NPAS3: variants seen among roughly 807,000 people sequenced by gnomAD.
NPAS3 encodes neuronal PAS domain protein 3.
Under a neutral mutation model 73.1 loss-of-function variants are expected in NPAS3, and 14 were observed. The observed-to-expected ratio is 0.19, with a 90% CI of 0.13 to 0.30. The LOEUF (loss-of-function observed/expected upper bound fraction) is 0.30. Ranked by LOEUF, NPAS3 falls within the 10% of genes least tolerant of loss-of-function variation. NPAS3 has a pLI of 1.00. For missense variants in NPAS3, 1,096 were observed against 1,250.0 expected, an observed-to-expected ratio of 0.88 and a Z score of 1.86; for synonymous variants, 620 against 541.5, an observed-to-expected ratio of 1.14 and a Z score of -2.01.
intron 2 of NPAS3, among the ~76,000 whole-genome samples, chr14:33,099,003 G>A (rs1479183890): frequency 6.6e-6 from 1 of 152,176 alleles, no homozygotes; most frequent in East Asian, 1.9e-4. Flanking sequence ...TGTATCCGTG[G>A]AGCCGAGTCT....
At chr14:33,213,005 G>A (rs2047093510) in intron 2 of NPAS3, among the ~76,000 whole-genome samples, 1 of 152,096 alleles carries the variant, frequency 6.6e-6, no homozygotes, top group South Asian at 2.1e-4. Flanking sequence ...TACCAAAATT[G>A]GGAAATGGCA....
intron 1 of NPAS3, among the ~76,000 whole-genome samples, chr14:33,050,425 G>T (rs905426896): frequency 6.6e-5 from 10 of 152,130 alleles, no homozygotes; most frequent in African/African-American, 2.4e-4. Context: ...GGAGGATCTA[G>T]TTCCTTCAAT....
chr14:33,285,998 G>A (rs1343062201), intron 3 of NPAS3, among the ~76,000 whole-genome samples: 1 of 152,106 alleles, frequency 6.6e-6, no homozygotes, highest in Non-Finnish European at 1.5e-5. Flanking sequence ...CCCTTACACT[G>A]TTTTATGGGA....
chr14:33,538,111 C>T (rs2054338193), intron 4 of NPAS3, among the ~76,000 whole-genome samples: 1 of 152,122 alleles, frequency 6.6e-6, no homozygotes, highest in African/African-American at 2.4e-5. Flanking sequence ...TTTTGGCCAA[C>T]CAAAAAGAAA....
chr14:33,316,343 T>C (rs952248544), intron 3 of NPAS3, among the ~76,000 whole-genome samples: 1 of 152,056 alleles, frequency 6.6e-6, no homozygotes, highest in African/African-American at 2.4e-5. Context: ...GGAAAATACG[T>C]GAGCAGCAAT....
intron 5 of NPAS3, among the ~76,000 whole-genome samples, chr14:33,637,299 A>G (rs1315178554): frequency 2.0e-5 from 3 of 152,212 alleles, no homozygotes; most frequent in Non-Finnish European, 2.9e-5. Context: ...TCACTCTGGC[A>G]TATGATTTCT....
intron 4 of NPAS3, among the ~76,000 whole-genome samples, chr14:33,503,068 G>A (rs764450268): frequency 2.3e-4 from 35 of 151,794 alleles, no homozygotes; most frequent in Non-Finnish European, 3.8e-4. Context: ...AAGTTCTCTC[G>A]AGATTTATTC....
intron 3 of NPAS3, among the ~76,000 whole-genome samples, chr14:33,351,390 G>GA (rs1481894359): frequency 2.0e-5 from 3 of 151,912 alleles, no homozygotes; most frequent in African/African-American, 7.2e-5. Flanking sequence ...ATCCTCCTTG[G>GA]AAAAAAAATG....
At chr14:33,667,802 CT>C (rs1217797648) in intron 5 of NPAS3, among the ~76,000 whole-genome samples, 1 of 152,146 alleles carries the variant, frequency 6.6e-6, no homozygotes, top group African/African-American at 2.4e-5. Flanking sequence ...TTTGTTCCTT[CT>C]TGTTCTCCTA....
intron 4 of NPAS3, among the ~76,000 whole-genome samples, chr14:33,474,764 A>G (rs2050943340): frequency 1.3e-5 from 2 of 152,144 alleles, no homozygotes; most frequent in African/African-American, 4.8e-5. Context: ...AAAAATTACA[A>G]TGCCTAGGTT....
intron 4 of NPAS3, among the ~76,000 whole-genome samples, chr14:33,497,636 G>A (rs771802720): frequency 3.3e-5 from 5 of 152,092 alleles, no homozygotes; most frequent in Non-Finnish European, 7.4e-5. Flanking sequence ...GAGAAAACTG[G>A]CTAGCCATAT....
intron 2 of NPAS3, among the ~76,000 whole-genome samples, chr14:33,096,003 G>A (rs2042408658): frequency 6.6e-6 from 1 of 150,628 alleles, no homozygotes; most frequent in African/African-American, 2.4e-5. Context: ...TTTTTTGTGT[G>A]AAGGTGATCC....
At chr14:33,410,406 T>C (rs1243925069) in intron 4 of NPAS3, among the ~76,000 whole-genome samples, 2 of 152,202 alleles carry the variant, frequency 1.3e-5, no homozygotes. Flanking sequence ...TGCTGCCTAC[T>C]CCTAAATTGT....
chr14:33,136,123 C>T (rs538585254), intron 2 of NPAS3, among the ~76,000 whole-genome samples: 18 of 145,792 alleles, frequency 1.2e-4, no homozygotes, highest in Middle Eastern at 3.6e-3. Context: ...TGTGGTAGCG[C>T]GATCTTGGCT....
At chr14:33,693,660 A>G (rs2060295257) in intron 6 of NPAS3, among the ~76,000 whole-genome samples, 4 of 152,218 alleles carry the variant, frequency 2.6e-5, no homozygotes, top group Admixed American at 2.0e-4. Context: ...GCACTCTGAC[A>G]GCCAAGAAAA....
chr14:33,112,522 T>C (rs2042929206), intron 2 of NPAS3, among the ~76,000 whole-genome samples: 1 of 152,222 alleles, frequency 6.6e-6, no homozygotes, highest in Non-Finnish European at 1.5e-5. Context: ...GGGTTGTTTT[T>C]TTCTTGTAAA....
upstream of NPAS3, among the ~76,000 whole-genome samples, chr14:32,938,523 G>GAGAGAGAGAGAGAGA (rs1343015828): frequency 1.7e-5 from 2 of 116,294 alleles, no homozygotes; most frequent in African/African-American, 3.7e-5. Flanking sequence ...GAGAGAGAGA[G>GAGAGAGAGAGAGAGA]AAGGGGGGGG....
At chr14:33,348,815 A>T (rs773437721) in intron 3 of NPAS3, among the ~76,000 whole-genome samples, 14 of 152,046 alleles carry the variant, frequency 9.2e-5, no homozygotes, top group Non-Finnish European at 1.3e-4. Context: ...GTCATTAGGG[A>T]TGTCGCAGGT....
At chr14:33,605,413 C>T (rs912292708) in intron 5 of NPAS3, among the ~76,000 whole-genome samples, 1 of 113,294 alleles carries the variant, frequency 8.8e-6, no homozygotes, top group Non-Finnish European at 1.9e-5. Context: ...AAAAAAAACA[C>T]AAACCTTTTA....
Sources: gnomAD v4.1 joint callset for allele counts (sites outside exome capture counted in the v4.1 genomes callset) on GRCh38, gnomAD v4.1.1 for gene constraint, MANE v1.5 for transcripts, NCBI Gene and HGNC (gene_info 2026-07-23, HGNC 2026-07-21) for gene names.